FHOD3: variants seen among roughly 807,000 people sequenced by gnomAD.
The protein encoded by FHOD3 is FH1/FH2 domain-containing protein 3.
FHOD3 carries 90 observed loss-of-function variants against 173.0 expected under a neutral mutation model. The observed-to-expected ratio is 0.52, with a 90% CI of 0.44 to 0.62. FHOD3 has a LOEUF of 0.62. Among genes scored for constraint, FHOD3 ranks in the 20% least tolerant of loss-of-function variants. The pLI is 0.00. For missense variants in FHOD3, 1,945 were observed against 2,034.7 expected (o/e 0.96, Z 0.85); for synonymous variants, 828 against 823.0 (o/e 1.01, Z -0.10).
intron 6 of FHOD3, among the ~76,000 whole-genome samples, chr18:36,587,274 G>C (rs1264488001): frequency 2.0e-5 from 3 of 152,112 alleles, no homozygotes; most frequent in African/African-American, 7.2e-5. Flanking sequence ...TTTTGCATGA[G>C]AGTTAGATGA....
intron 5 of FHOD3, among the ~76,000 whole-genome samples, chr18:36,555,393 A>C (rs1050699623): frequency 4.0e-5 from 6 of 151,794 alleles, no homozygotes; most frequent in African/African-American, 1.5e-4. Flanking sequence ...TGGTAAAAAA[A>C]AAAACAAAAA....
intron 1 of FHOD3, among the ~76,000 whole-genome samples, chr18:36,354,073 G>C (rs1331175507): frequency 6.6e-6 from 1 of 152,206 alleles, no homozygotes; most frequent in Non-Finnish European, 1.5e-5. Context: ...TGCAGCCAGA[G>C]CCCAACTCTA....
chr18:36,441,221 G>GGT (rs1357267484), intron 3 of FHOD3, among the ~76,000 whole-genome samples: 1 of 152,108 alleles, frequency 6.6e-6, no homozygotes, highest in East Asian at 1.9e-4. Flanking sequence ...TGGATGTTGA[G>GGT]GTGTGCTTCC....
At chr18:36,724,968 T>C (rs1012957606) in intron 19 of FHOD3, among the ~76,000 whole-genome samples, 1 of 152,228 alleles carries the variant, frequency 6.6e-6, no homozygotes, top group African/African-American at 2.4e-5. Context: ...AGGTCCTCTC[T>C]TTCCTTGAGC....
At chr18:36,388,289 G>A (rs2048123977) in intron 3 of FHOD3, among the ~76,000 whole-genome samples, 1 of 152,106 alleles carries the variant, frequency 6.6e-6, no homozygotes, top group Non-Finnish European at 1.5e-5. Context: ...AACACCGGGA[G>A]CCCCCACTGG....
intron 17 of FHOD3, among the ~76,000 whole-genome samples, chr18:36,708,420 T>C (rs1215367740): frequency 6.6e-6 from 1 of 152,234 alleles, no homozygotes; most frequent in African/African-American, 2.4e-5. Flanking sequence ...AGGTTATATA[T>C]TAGTTTCGTA....
chr18:36,573,313 G>A (rs1011987870), intron 5 of FHOD3, among the ~76,000 whole-genome samples: 1 of 152,066 alleles, frequency 6.6e-6, no homozygotes, highest in Admixed American at 6.6e-5. Flanking sequence ...CATGAAGATT[G>A]GAGTGTTATA....
At chr18:36,708,206 G>C (rs1044796301) in intron 17 of FHOD3, among the ~76,000 whole-genome samples, 3 of 152,174 alleles carry the variant, frequency 2.0e-5, no homozygotes, top group Non-Finnish European at 2.9e-5. Context: ...AGCGTTGATA[G>C]GTTTGCAAAT....
rs2042834750 is a variant in FHOD3, at chr18:36,760,720, C to T, written c.4562C>T (p.Ser1521Phe). The T allele has an allele frequency of 2.5e-6, 4 of 1,613,214 alleles. No individual in the cohort carries two copies. Among genetic ancestry groups the T allele is most frequent in the Non-Finnish European group, 2.5e-6 (3 of 1,180,016 alleles). Reference protein sequence around the residue: ...ENMKAVLKTSSPSVEDATPAL... With the variant: ...ENMKAVLKTSFPSVEDATPAL... ...ATGAAGGCTGTGCTGAAAACCTCGTCCCCCTCCGTGGAGGACGCCACCCCC... is the reference window on the plus strand; with the variant it reads ...ATGAAGGCTGTGCTGAAAACCTCGTTCCCCTCCGTGGAGGACGCCACCCCC... The change falls in exon 27 of 29, where the codon TCC (serine) becomes TTC (phenylalanine). Residue 1521 changes from serine (S) to phenylalanine (F), a missense_variant. By Grantham distance (155) the Ser-to-Phe change is radical (BLOSUM62 -2). This residue lies in a region of FHOD3 where 354 missense variants were observed against 359.9 expected (regional missense o/e 0.98). Transcript: ENST00000590592.
chr18:36,754,272 G>A (rs2042531708), intron 24 of FHOD3, among the ~76,000 whole-genome samples: 1 of 152,054 alleles, frequency 6.6e-6, no homozygotes, highest in African/African-American at 2.4e-5. Context: ...TATTCAAGCT[G>A]TGCAAATTAG....
intron 5 of FHOD3, among the ~76,000 whole-genome samples, chr18:36,565,633 A>AT (rs142390291): frequency 4.6e-5 from 7 of 151,466 alleles, no homozygotes; most frequent in Admixed American, 1.3e-4. Context: ...CCATTCATTT[A>AT]TTTTTTTTTC....
intron 17 of FHOD3, among the ~76,000 whole-genome samples, chr18:36,706,859 C>G (rs1400930900): frequency 6.6e-6 from 1 of 150,698 alleles, no homozygotes; most frequent in Non-Finnish European, 1.5e-5. Context: ...TTTGATGTGG[C>G]TATTTTGAAG....
At chr18:36,690,386 G>C in intron 16 of FHOD3, among the ~76,000 whole-genome samples, 1 of 152,178 alleles carries the variant, frequency 6.6e-6, no homozygotes, top group East Asian at 1.9e-4. Context: ...AGGAGGCTCT[G>C]TCGGTCTGTG....
rs146195148 is a variant in FHOD3, at chr18:36,772,574, C to G, written c.4786+3148C>G. On this transcript the variant is annotated intron_variant, in intron 28 of 28. Transcript: ENST00000590592. ...TTTATGGCCTGCAAGGCAAGCCACT[C>G]GAGGATCAGAGATAATTAAATGTCT... is the stretch of plus-strand genomic sequence containing the variant. 4.5e-3 allele frequency among the ~76,000 whole-genome samples: 690 copies of G among 152,344 alleles called. 5 individuals carry two copies. Among genetic ancestry groups the G allele is most frequent in the South Asian group, 0.02 (99 of 4,830 alleles).
chr18:36,744,618 C>T (rs543888823), intron 23 of FHOD3, among the ~76,000 whole-genome samples: 3 of 152,372 alleles, frequency 2.0e-5, no homozygotes. Flanking sequence ...ACAGGGCCCT[C>T]CCGGCTCCTG....
At chr18:36,547,087 C>T (rs969368633) in intron 5 of FHOD3, among the ~76,000 whole-genome samples, 3 of 152,208 alleles carry the variant, frequency 2.0e-5, no homozygotes, top group Admixed American at 1.3e-4. Context: ...CATCCTGGCC[C>T]TGTGTCCTGC....
intron 10 of FHOD3, among the ~76,000 whole-genome samples, chr18:36,641,722 G>A (rs781723266): frequency 2.0e-5 from 3 of 152,116 alleles, no homozygotes; most frequent in Non-Finnish European, 4.4e-5. Flanking sequence ...TTGGGAGGCC[G>A]AGATGGGTGG....
intron 7 of FHOD3, among the ~76,000 whole-genome samples, chr18:36,599,485 C>T (rs1468356036): frequency 2.6e-5 from 4 of 152,196 alleles, no homozygotes; most frequent in African/African-American, 7.2e-5. Flanking sequence ...TGACAGAACT[C>T]AAACTCTCTT....
In FHOD3 at chr18:36,760,742, C is replaced by T. The variant is rs1196642076; in HGVS notation, c.4584C>T (p.Thr1528=). The T allele has an allele frequency of 6.2e-7, 1 of 1,612,642 alleles. No homozygotes were observed. ...KTSSPSVEDA[T]PALGVRTRSR... ...CGTCCCCCTCCGTGGAGGACGCCAC[C>T]CCCGCGCTGGGCGTCCGCACACGCA... The change falls in exon 27 of 29, where the codon ACC becomes ACT. Residue 1528 remains threonine, a synonymous_variant. Transcript: ENST00000590592.
Sources: allele counts gnomAD v4.1 joint callset (sites outside exome capture counted in the v4.1 genomes callset), GRCh38; gene constraint gnomAD v4.1.1; regional missense constraint gnomAD v4.1.1; transcripts MANE v1.5; gene names NCBI Gene and HGNC (gene_info 2026-07-23, HGNC 2026-07-21).